The following CROCC variants were observed in gnomAD, a reference collection of about 807,000 sequenced individuals.
CROCC encodes the protein ciliary rootlet coiled-coil, rootletin.
Under a neutral mutation model 245.2 loss-of-function variants are expected in CROCC, and 180 were observed. The observed-to-expected ratio is 0.73, with a 90% confidence interval of 0.65 to 0.83. CROCC has a LOEUF of 0.83. CROCC is among the 40% of genes least tolerant of loss of function. The probability of loss-of-function intolerance (pLI) is 0.00; values close to 1 mark genes in which losing one functional copy is unlikely to be tolerated. For missense variants in CROCC, 2,688 were observed against 2,779.4 expected (o/e 0.97, Z 0.74); for synonymous variants, 1,205 against 1,241.6 (o/e 0.97, Z 0.62).
rs768967686 is a variant in CROCC, at chr1:16,929,937, T to C, written c.443T>C (p.Leu148Pro). 2 of 1,587,972 alleles carry C rather than the reference T, an allele frequency of 1.3e-6. No individual in the cohort carries two copies. The highest frequency in any genetic ancestry group is 1.7e-6 in the Non-Finnish European group (2 of 1,170,484). The part of the protein sequence containing the change: ...VRQSVELRRQ[L>P]QEEQASYRRK... ...CAGAGCGTGGAGTTGCGGAGGCAGC[T>C]GCAGGAGGAGCAGGCCTCCTACCGG... The change falls in exon 4 of 37, where the codon CTG becomes CCG. Residue 148 changes from leucine to proline, a missense_variant. By Grantham distance (98) the Leu-to-Pro change is moderately conservative (BLOSUM62 -3). This residue lies in a region of CROCC where 972 missense variants were observed against 895.3 expected (regional missense o/e 1.09). Transcript: ENST00000375541.
intron 1 of CROCC, among the ~76,000 whole-genome samples, chr1:16,915,250 G>A (rs1486065601): frequency 6.6e-6 from 1 of 152,298 alleles, no homozygotes; most frequent in African/African-American, 2.4e-5. Flanking sequence ...CATGACCCCA[G>A]CCAGAGCCAA....
At position 16,965,793 on chromosome 1, in the gene CROCC, A is replaced by ACC; in HGVS notation, c.4477_4478dup (p.Ala1494LeufsTer43). 2 of 1,613,500 alleles carry ACC rather than the reference A, an allele frequency of 1.2e-6. No homozygotes were observed. Among genetic ancestry groups the ACC allele is most frequent in the Non-Finnish European group, 1.7e-6 (2 of 1,179,996 alleles). On this transcript the variant is annotated frameshift_variant, in exon 28 of 37. Transcript: ENST00000375541. LOFTEE classifies it high-confidence loss of function. ...CTGGGTCCCAGCCACCATCTCCAGG[A>ACC]CCTGCCACCTCCCCAGCCTCTCCAG... is the stretch of plus-strand genomic sequence containing the variant.
rs561885226 is a variant in CROCC, at chr1:16,967,534, C to T, written c.4861-669C>T. ...CTGGGCAGGAGCCAGAGTGGGGGCC[C>T]CAGACAGGGCAGGGCTGGGGCTCTG... On this transcript the variant is annotated intron_variant, in intron 30 of 36. Transcript: ENST00000375541. 5.9e-5 allele frequency among the ~76,000 whole-genome samples: 9 copies of T among 152,256 alleles called. No individual in the cohort carries two copies. In the East Asian group the frequency reaches 1.7e-3, roughly 29 times the overall value.
intron 24 of CROCC, among the ~76,000 whole-genome samples, 164 bp downstream of exon 24, chr1:16,955,714 T>A (rs976758644): frequency 6.6e-6 from 1 of 152,070 alleles, no homozygotes; most frequent in African/African-American, 2.4e-5. Flanking sequence ...TCCCTGTTGA[T>A]TGGGGAAAGG....
intron 25 of CROCC, 67 bp downstream of exon 25, chr1:16,956,223 TC>T: frequency 7.0e-7 from 1 of 1,432,926 alleles, no homozygotes; most frequent in Non-Finnish European, 9.3e-7. Context: ...GCTCCCCCTT[TC>T]TGGAATTACG....
intron 20 of CROCC, chr1:16,951,386 G>C (rs1359227866): frequency 3.3e-6 from 1 of 307,252 alleles, no homozygotes; most frequent in Admixed American, 5.1e-5. Context: ...CTAATGTACA[G>C]CAGGAAAGCA....
In CROCC at chr1:16,922,568, C is replaced by T. The variant is rs114901319; in HGVS notation, c.61-95C>T. ...CCATCTTGAGGGGGCTCCTGGGGAC[C>T]TGTATCTTGGGCAGTAGGATTCTGT... On this transcript the variant is annotated intron_variant, in intron 1 of 36. Coordinates refer to ENST00000375541, the MANE Select transcript of CROCC (RefSeq NM_014675.5). The T allele has an allele frequency of 3.3e-4, 487 of 1,481,002 alleles. 1 individual carries two copies. In the African/African-American group the frequency reaches 6.0e-3, roughly 18 times the overall value. The allele number at this position is 1,481,002 out of a possible 1,614,324, so 91.7% of individuals were successfully genotyped here.
rs553865527 is a variant in CROCC, at chr1:16,939,101, C to A, written c.1567C>A (p.Leu523Met). 4.1e-5 allele frequency: 64 copies of A among 1,573,204 alleles called. No individual in the cohort carries two copies. In the African/African-American group the frequency reaches 6.7e-4, roughly 16 times the overall value. Reference sequence around the variant, plus strand: ...CTGCTCAGACTCCTCCACGCTCGCCCTGATCCACTCCGCCCTGCACAAGCG... The same window carrying A: ...CTGCTCAGACTCCTCCACGCTCGCCATGATCCACTCCGCCCTGCACAAGCG... Reference protein sequence around the residue: ...PACSDSSTLALIHSALHKRQL... With the variant: ...PACSDSSTLAMIHSALHKRQL... Residue 523 changes from leucine (L) to methionine (M), a missense_variant, in exon 12 of 37, where the codon CTG (leucine) becomes ATG (methionine). Transcript: ENST00000375541.
In CROCC at chr1:16,965,879, C is replaced by G. The variant is rs200813518; in HGVS notation, c.4562C>G (p.Ala1521Gly). The G allele has an allele frequency of 3.7e-5, 60 of 1,613,336 alleles. No homozygotes were observed. In the East Asian group the frequency reaches 1.3e-3, roughly 36 times the overall value. Residue 1521 changes from alanine to glycine, a missense_variant, in exon 28 of 37, where the codon GCC (alanine) becomes GGC (glycine). This residue lies in a region of CROCC where 1,218 missense variants were observed against 1,286.3 expected (regional missense o/e 0.95). Transcript: ENST00000375541. ...GAATTCCTGCAAGAGCTGCGGAGTG[C>G]CCAGAGAGAACGGGTAAGCCTGGGT... ...LREFLQELRS[A>G]QRERDELRTQ...
rs1425355428 is a variant in CROCC, at chr1:16,966,382, C to G, written c.4697-26C>G. On this transcript the variant is annotated intron_variant, in intron 29 of 36. Coordinates refer to ENST00000375541, the MANE Select transcript of CROCC (RefSeq NM_014675.5). The surrounding 1 kb of genome is among the most constrained non-coding windows in gnomAD (Gnocchi z 4.8). ...GGTCTCGGGGCTGTGCTTGGCCATG[C>G]CTGACGGGGTGGGTGGTGGCTACAG... 1.3e-6 allele frequency: 2 copies of G among 1,502,362 alleles called. No individual in the cohort carries two copies. Among genetic ancestry groups the G allele is most frequent in the Non-Finnish European group, 1.8e-6 (2 of 1,126,294 alleles). The allele number at this position is 1,502,362 out of a possible 1,614,324, so 93.1% of individuals were successfully genotyped here. A position where few individuals can be genotyped will look rare whatever the true frequency, so the allele number is the denominator to read the frequency against.
At chr1:16,915,078 C>A (rs936704472) in intron 1 of CROCC, among the ~76,000 whole-genome samples, 4 of 151,266 alleles carry the variant, frequency 2.6e-5, no homozygotes, top group African/African-American at 9.8e-5. Context: ...TTAACCCTCC[C>A]CTCCCCAAGT....
At chr1:16,926,371 C>T (rs376801779) in intron 3 of CROCC, among the ~76,000 whole-genome samples, 1 of 152,260 alleles carries the variant, frequency 6.6e-6, no homozygotes, top group Admixed American at 6.5e-5. Context: ...TGGGATGAGA[C>T]CCTTGGTCCA....
chr1:16,971,712 C>G, intron 36 of CROCC, 65 bp downstream of exon 36: 1 of 1,393,418 alleles, frequency 7.2e-7, no homozygotes, highest in Non-Finnish European at 9.4e-7. Context: ...AGAGGAGAGA[C>G]CCAATCAAGA....
At chr1:16,923,367 C>T (rs1292476798) in intron 2 of CROCC, among the ~76,000 whole-genome samples, 1 of 152,268 alleles carries the variant, frequency 6.6e-6, no homozygotes, top group Non-Finnish European at 1.5e-5. Context: ...TACAGACGGG[C>T]CCCCTCCTTG....
chr1:16,964,190 A>C (rs2076382524), intron 27 of CROCC, among the ~76,000 whole-genome samples: 1 of 144,330 alleles, frequency 6.9e-6, no homozygotes. Context: ...GCTGGAGTGC[A>C]GCACAGTCTC....
intron 35 of CROCC, 29 bp downstream of exon 35, chr1:16,970,796 A>G (rs751146978): frequency 2.5e-5 from 39 of 1,529,582 alleles, no homozygotes; most frequent in Non-Finnish European, 3.2e-5. Flanking sequence ...CGGGACCCCA[A>G]CTTCATCCCT....
At chr1:16,935,685 A>G (rs1205355215) in intron 8 of CROCC, among the ~76,000 whole-genome samples, 1 of 152,260 alleles carries the variant, frequency 6.6e-6, no homozygotes, top group Non-Finnish European at 1.5e-5. Context: ...CGGCCTCCCA[A>G]AGTGCTGGGA....
chr1:16,915,653 A>G (rs913957419), intron 1 of CROCC, among the ~76,000 whole-genome samples: 1 of 152,210 alleles, frequency 6.6e-6, no homozygotes, highest in African/African-American at 2.4e-5. Context: ...GAAAAAAAAA[A>G]AAAAGGAGGA....
chr1:16,940,183 C>A, intron 13 of CROCC, 90 bp downstream of exon 13: 1 of 1,356,784 alleles, frequency 7.4e-7, no homozygotes, highest in Non-Finnish European at 1.0e-6. Context: ...TGGCTCTGCA[C>A]TAATATGGTC....
Sources: allele counts gnomAD v4.1 joint callset (sites outside exome capture counted in the v4.1 genomes callset), GRCh38; gene constraint gnomAD v4.1.1; regional missense constraint gnomAD v4.1.1; non-coding constraint Gnocchi (gnomAD v3.1); transcripts MANE v1.5; gene names NCBI Gene and HGNC (gene_info 2026-07-23, HGNC 2026-07-21).